The following LRFN2 variants were observed in gnomAD, a reference collection of about 807,000 sequenced individuals.
LRFN2 encodes the protein leucine rich repeat and fibronectin type III domain containing 2, also known as leucine-rich repeat and fibronectin type-III domain-containing protein 2.
LRFN2 carries 18 observed loss-of-function variants against 37.3 expected under a neutral mutation model. The ratio of observed to expected loss-of-function variants is 0.48; its 90% CI spans 0.33 to 0.72. The LOEUF (loss-of-function observed/expected upper bound fraction) is 0.72, where lower values mean the gene tolerates loss of function less well. Among genes scored for constraint, LRFN2 ranks in the 30% least tolerant of loss-of-function variants. The pLI, the probability that LRFN2 is intolerant of heterozygous loss-of-function variation, is 0.02. For synonymous variants in LRFN2, 556 were observed against 466.6 expected, an observed-to-expected ratio of 1.19 and a Z score of -2.47; for missense variants, 1,006 against 1,060.7, an observed-to-expected ratio of 0.95 and a Z score of 0.72.
At chr6:40,434,926 G>A (rs1763607422) in intron 1 of LRFN2, among the ~76,000 whole-genome samples, 1 of 149,470 alleles carries the variant, frequency 6.7e-6, no homozygotes. Flanking sequence ...AAATTCTGCT[G>A]CAGTGAAACA....
chr6:40,466,103 A>C (rs1231645197), intron 1 of LRFN2, among the ~76,000 whole-genome samples: 1 of 152,158 alleles, frequency 6.6e-6, no homozygotes, highest in Non-Finnish European at 1.5e-5. Context: ...GCCACCGAGC[A>C]CTTCTTTGGG....
chr6:40,402,496 A>G (rs551872901), intron 2 of LRFN2, among the ~76,000 whole-genome samples: 219 of 152,376 alleles, frequency 1.4e-3, no homozygotes, highest in African/African-American at 5.1e-3. Flanking sequence ...GATAGCTAAC[A>G]TTTATTGAGC....
chr6:40,431,094 T>C (rs1561851132), intron 2 of LRFN2, among the ~76,000 whole-genome samples: 1 of 152,030 alleles, frequency 6.6e-6, no homozygotes, highest in East Asian at 1.9e-4. Flanking sequence ...CTCCCTCCCT[T>C]TCTCTCTCTC....
intron 1 of LRFN2, among the ~76,000 whole-genome samples, chr6:40,578,786 C>G (rs756627516): frequency 2.0e-5 from 3 of 152,134 alleles, no homozygotes; most frequent in Non-Finnish European, 4.4e-5. Flanking sequence ...GAGGTGGGTA[C>G]TATTATTATC....
intron 1 of LRFN2, among the ~76,000 whole-genome samples, chr6:40,461,572 AC>A (rs1007477686): frequency 5.9e-5 from 8 of 134,742 alleles, no homozygotes; most frequent in African/African-American, 1.9e-4. Context: ...ATCCCCAGCC[AC>A]CCCCCTCCCC....
chr6:40,506,419 T>C (rs1765539715), intron 1 of LRFN2, among the ~76,000 whole-genome samples: 1 of 152,112 alleles, frequency 6.6e-6, no homozygotes, highest in African/African-American at 2.4e-5. Flanking sequence ...AAGAAAAAAA[T>C]ATAAGGATAC....
At chr6:40,502,961 C>T (rs914224435) in intron 1 of LRFN2, among the ~76,000 whole-genome samples, 3 of 152,206 alleles carry the variant, frequency 2.0e-5, no homozygotes, top group South Asian at 2.1e-4. Context: ...ATTCAGCATG[C>T]CAGCAGTGAG....
At chr6:40,408,155 G>T (rs1762888274) in intron 2 of LRFN2, among the ~76,000 whole-genome samples, 1 of 152,306 alleles carries the variant, frequency 6.6e-6, no homozygotes, top group East Asian at 1.9e-4. Flanking sequence ...GATGGTGACA[G>T]TGACTGCACA....
intron 1 of LRFN2, among the ~76,000 whole-genome samples, chr6:40,542,536 C>T (rs1214150678): frequency 1.3e-5 from 2 of 151,982 alleles, no homozygotes; most frequent in African/African-American, 4.8e-5. Flanking sequence ...GCAGCAGTGG[C>T]TTCCTCACTG....
intron 1 of LRFN2, among the ~76,000 whole-genome samples, chr6:40,573,935 TG>T (rs1363421589): frequency 6.6e-6 from 1 of 152,214 alleles, no homozygotes; most frequent in Non-Finnish European, 1.5e-5. Flanking sequence ...CACTGCAGCC[TG>T]GGCAACAAGA....
intron 1 of LRFN2, among the ~76,000 whole-genome samples, chr6:40,435,205 G>T (rs1015106379): frequency 6.7e-6 from 1 of 149,364 alleles, no homozygotes; most frequent in Middle Eastern, 3.3e-3. Context: ...CTGTCACCCA[G>T]GCTGGAGTGC....
At chr6:40,486,966 C>A (rs1764973069) in intron 1 of LRFN2, among the ~76,000 whole-genome samples, 1 of 152,110 alleles carries the variant, frequency 6.6e-6, no homozygotes, top group South Asian at 2.1e-4. Context: ...CAGGTTTTAT[C>A]TTCTGGATGC....
chr6:40,557,995 T>C (rs947819616), intron 1 of LRFN2, among the ~76,000 whole-genome samples: 1 of 152,200 alleles, frequency 6.6e-6, no homozygotes, highest in African/African-American at 2.4e-5. Context: ...AAGGATTCGC[T>C]TGTCCACTTG....
chr6:40,470,834 C>T (rs947816430), intron 1 of LRFN2, among the ~76,000 whole-genome samples: 3 of 152,204 alleles, frequency 2.0e-5, no homozygotes, highest in African/African-American at 4.8e-5. Context: ...TCCAGGGGAA[C>T]ACCAGGGGTG....
chr6:40,483,306 G>A (rs1230741371), intron 1 of LRFN2, among the ~76,000 whole-genome samples: 1 of 152,144 alleles, frequency 6.6e-6, no homozygotes, highest in Non-Finnish European at 1.5e-5. Context: ...TTGAACCTGG[G>A]TTTCTTTGCC....
chr6:40,446,452 T>C (rs1286713432), intron 1 of LRFN2, among the ~76,000 whole-genome samples: 1 of 152,218 alleles, frequency 6.6e-6, no homozygotes, highest in Non-Finnish European at 1.5e-5. Context: ...GTCTGATCAT[T>C]ACAGGCTTTT....
At chr6:40,470,375 G>T (rs1186541514) in intron 1 of LRFN2, among the ~76,000 whole-genome samples, 1 of 152,226 alleles carries the variant, frequency 6.6e-6, no homozygotes, top group Non-Finnish European at 1.5e-5. Flanking sequence ...ACTTTGGGAG[G>T]CCAAAGCGAG....
At chr6:40,427,520 A>G (rs1763382920) in intron 2 of LRFN2, among the ~76,000 whole-genome samples, 1 of 152,250 alleles carries the variant, frequency 6.6e-6, no homozygotes, top group African/African-American at 2.4e-5. Flanking sequence ...ACCTGCCCTC[A>G]TGAATGGCAA....
chr6:40,581,613 T>G (rs846528), intron 1 of LRFN2, among the ~76,000 whole-genome samples: 81,380 of 152,084 alleles, frequency 0.54, 22,417 homozygotes, highest in African/African-American at 0.65. Flanking sequence ...TTGAATCAAG[T>G]AATCAATTCT....
Sources: allele counts gnomAD v4.1 joint callset (sites outside exome capture counted in the v4.1 genomes callset), GRCh38; gene constraint gnomAD v4.1.1; transcripts MANE v1.5; gene names NCBI Gene and HGNC (gene_info 2026-07-23, HGNC 2026-07-21).